Variants in CTNND2 observed in about 807,000 individuals in gnomAD.
The protein encoded by CTNND2 is catenin delta-2.
Under a neutral mutation model 144.4 loss-of-function variants are expected in CTNND2, and 22 were observed. The observed-to-expected ratio is 0.15, with a 90% confidence interval of 0.11 to 0.22. The LOEUF is 0.22. Ranked by LOEUF, CTNND2 falls within the 10% of genes least tolerant of loss-of-function variation. The pLI is 1.00. For missense variants in CTNND2, 1,353 were observed against 1,618.8 expected, an observed-to-expected ratio of 0.84 and a Z score of 2.82; for synonymous variants, 751 against 695.6, an observed-to-expected ratio of 1.08 and a Z score of -1.25.
At chr5:11,747,710 C>CA (rs772905982) in intron 1 of CTNND2, among the ~76,000 whole-genome samples, 3 of 151,826 alleles carry the variant, frequency 2.0e-5, no homozygotes, top group Non-Finnish European at 4.4e-5. Flanking sequence ...TAAAATCTGG[C>CA]AAAAAAACAA....
chr5:11,370,937 C>A (rs1036324014), intron 7 of CTNND2, among the ~76,000 whole-genome samples: 1 of 152,034 alleles, frequency 6.6e-6, no homozygotes. Flanking sequence ...GAAGAAAAAT[C>A]CAAAATAAAA....
At chr5:11,154,671 C>T (rs776637513) in intron 12 of CTNND2, among the ~76,000 whole-genome samples, 29 of 152,114 alleles carry the variant, frequency 1.9e-4, no homozygotes, top group Non-Finnish European at 1.3e-4. Flanking sequence ...CTGTCAGAAC[C>T]GAGTACCACA....
chr5:11,147,478 A>G (rs140220487), intron 12 of CTNND2, among the ~76,000 whole-genome samples: 119 of 152,306 alleles, frequency 7.8e-4, no homozygotes, highest in African/African-American at 2.6e-3. Context: ...AATGAAGAGC[A>G]GAGGGGCCCC....
chr5:11,286,239 T>TA (rs921103866), intron 9 of CTNND2, among the ~76,000 whole-genome samples: 15 of 150,704 alleles, frequency 1.0e-4, no homozygotes, highest in Admixed American at 7.9e-4. Flanking sequence ...AATTTATAAG[T>TA]AAAAAAAAAG....
chr5:11,399,256 T>A (rs1760419931), intron 5 of CTNND2, among the ~76,000 whole-genome samples: 1 of 152,144 alleles, frequency 6.6e-6, no homozygotes, highest in African/African-American at 2.4e-5. Context: ...GAGATAGTAA[T>A]GCATCCTAAG....
chr5:11,129,223 TAA>T (rs371763973), intron 12 of CTNND2, among the ~76,000 whole-genome samples: 2 of 23,964 alleles, frequency 8.3e-5, no homozygotes, highest in East Asian at 2.7e-3. Context: ...ATATTATATA[TAA>T]ATATATATTA....
intron 18 of CTNND2, among the ~76,000 whole-genome samples, chr5:11,017,598 CTTTCCATATATATATATATATA>C (rs869149269): frequency 5.0e-5 from 2 of 39,722 alleles, no homozygotes; most frequent in Admixed American, 3.5e-4. Flanking sequence ...ATATATATAT[CTTTCCATATATATATATATATA>C]TTTCCAAAAT....
chr5:11,417,941 A>G (rs1440926926), intron 3 of CTNND2, among the ~76,000 whole-genome samples: 4 of 152,172 alleles, frequency 2.6e-5, no homozygotes, highest in East Asian at 1.9e-4. Context: ...ATATGACTAC[A>G]TATCATATAT....
intron 3 of CTNND2, among the ~76,000 whole-genome samples, chr5:11,557,230 T>C (rs1305285854): frequency 6.6e-6 from 1 of 152,164 alleles, no homozygotes; most frequent in Admixed American, 6.6e-5. Flanking sequence ...GTTCACTGTT[T>C]CAGCTAACAG....
intron 8 of CTNND2, among the ~76,000 whole-genome samples, chr5:11,352,734 T>C (rs1333228285): frequency 6.6e-6 from 1 of 152,214 alleles, no homozygotes; most frequent in Non-Finnish European, 1.5e-5. Context: ...GTCTTCATGA[T>C]ATAAATTAGC....
chr5:11,789,410 G>A (rs1384191621), intron 1 of CTNND2, among the ~76,000 whole-genome samples: 2 of 151,904 alleles, frequency 1.3e-5, no homozygotes, highest in Non-Finnish European at 2.9e-5. Context: ...TCTTCTTTAT[G>A]AGCTTCTATG....
At chr5:11,312,833 C>T (rs1369827261) in intron 9 of CTNND2, among the ~76,000 whole-genome samples, 1 of 152,222 alleles carries the variant, frequency 6.6e-6, no homozygotes, top group African/African-American at 2.4e-5. Context: ...TTTCACATAT[C>T]TGTATATTTT....
intron 18 of CTNND2, among the ~76,000 whole-genome samples, chr5:11,003,004 C>A (rs1281268408): frequency 6.6e-6 from 1 of 152,122 alleles, no homozygotes; most frequent in Non-Finnish European, 1.5e-5. Context: ...CTATGTATGG[C>A]CTTTTTCTAC....
chr5:11,178,925 T>C (rs1046090723), intron 11 of CTNND2, among the ~76,000 whole-genome samples: 3 of 152,214 alleles, frequency 2.0e-5, no homozygotes, highest in Non-Finnish European at 2.9e-5. Context: ...CAATAGCTTA[T>C]AGCTAGAAAA....
intron 1 of CTNND2, among the ~76,000 whole-genome samples, chr5:11,760,833 T>A (rs1180273780): frequency 2.0e-5 from 3 of 152,118 alleles, no homozygotes; most frequent in Non-Finnish European, 4.4e-5. Flanking sequence ...AAATGACTCC[T>A]CTTAACTCAA....
intron 2 of CTNND2, among the ~76,000 whole-genome samples, chr5:11,594,762 G>C (rs553406648): frequency 6.6e-6 from 1 of 152,296 alleles, no homozygotes; most frequent in African/African-American, 2.4e-5. Flanking sequence ...TATATGGACA[G>C]AGGGGTGGAA....
At chr5:11,832,566 A>G (rs1010322720) in intron 1 of CTNND2, among the ~76,000 whole-genome samples, 2 of 152,214 alleles carry the variant, frequency 1.3e-5, no homozygotes, top group African/African-American at 4.8e-5. Context: ...GATATTCAAC[A>G]TCAATGGCTG....
chr5:11,263,769 C>T (rs913639624), intron 9 of CTNND2, among the ~76,000 whole-genome samples: 2 of 152,128 alleles, frequency 1.3e-5, no homozygotes, highest in Non-Finnish European at 2.9e-5. Context: ...TCATCAAATA[C>T]CCAGTATTCC....
At chr5:11,773,744 G>C (rs1335770698) in intron 1 of CTNND2, among the ~76,000 whole-genome samples, 1 of 151,220 alleles carries the variant, frequency 6.6e-6, no homozygotes, top group Non-Finnish European at 1.5e-5. Flanking sequence ...CCGGGAGGCG[G>C]AGGTTGCAGT....
Sources: gnomAD v4.1 joint callset for allele counts (sites outside exome capture counted in the v4.1 genomes callset) on GRCh38, gnomAD v4.1.1 for gene constraint, MANE v1.5 for transcripts, NCBI Gene and HGNC (gene_info 2026-07-23, HGNC 2026-07-21) for gene names.